CD226: variants seen among roughly 807,000 people sequenced by gnomAD.
CD226 encodes the protein CD226 molecule, also known as CD226 antigen.
A neutral mutation model predicts 34.9 loss-of-function variants in CD226; 24 were observed. That is an observed-to-expected ratio of 0.69 (90% CI 0.50 to 0.97). The LOEUF (loss-of-function observed/expected upper bound fraction) is 0.97, where lower values mean the gene tolerates loss of function less well. Ranked by LOEUF, CD226 falls within the 50% of genes least tolerant of loss-of-function variation. The probability of loss-of-function intolerance (pLI) is 0.00; values close to 1 mark genes in which losing one functional copy is unlikely to be tolerated. For missense variants in CD226, 397 were observed against 412.7 expected, an observed-to-expected ratio of 0.96 and a Z score of 0.33; for synonymous variants, 148 against 147.4, an observed-to-expected ratio of 1.00 and a Z score of -0.03.
chr18:69,868,795 G>A (rs965940669), intron 4 of CD226, among the ~76,000 whole-genome samples: 10 of 111,154 alleles, frequency 9.0e-5, no homozygotes, highest in South Asian at 4.0e-4. Context: ...GCACACGTGC[G>A]CGTGCACGCA....
intron 5 of CD226, among the ~76,000 whole-genome samples, chr18:69,866,593 G>T (rs1319893118): frequency 6.6e-6 from 1 of 152,068 alleles, no homozygotes; most frequent in Admixed American, 6.6e-5. Context: ...TGCTTGCTAC[G>T]CTTCTGGTTC....
In CD226 at chr18:69,930,027, G is replaced by A. The variant is rs73972926; in HGVS notation, c.382+16707C>T. On this transcript the variant is annotated intron_variant, in intron 2 of 5. Coordinates refer to ENST00000582621, the MANE Select transcript of CD226 (RefSeq NM_001303618.2). ...CATCTCTCCTCTGCACCATGAGCAC[G>A]GGCAACTACAAACAAAATCCTACTG... Among the ~76,000 whole-genome samples the A allele has an allele frequency of 8.9e-3, 1,348 of 152,138 alleles. 25 individuals carry two copies. Among genetic ancestry groups the A allele is most frequent in the African/African-American group, 0.03 (1,251 of 41,516 alleles).
intron 3 of CD226, among the ~76,000 whole-genome samples, chr18:69,873,483 CA>C (rs568614655): frequency 9.2e-4 from 124 of 135,518 alleles, no homozygotes; most frequent in East Asian, 7.7e-3. Flanking sequence ...TTACACATTA[CA>C]AAAAAAAAAA....
chr18:69,889,669 T>C (rs1309821163), intron 3 of CD226, among the ~76,000 whole-genome samples: 4 of 152,106 alleles, frequency 2.6e-5, no homozygotes, highest in Non-Finnish European at 5.9e-5. Flanking sequence ...GTCAGTAACC[T>C]CCCACAAGCC....
chr18:69,925,297 C>T (rs907143211), intron 2 of CD226, among the ~76,000 whole-genome samples: 2 of 152,142 alleles, frequency 1.3e-5, no homozygotes, highest in East Asian at 1.9e-4. Flanking sequence ...ACAAGTACTT[C>T]GTGCATAACC....
At chr18:69,932,085 A>C (rs2145334774) in intron 2 of CD226, among the ~76,000 whole-genome samples, 1 of 152,214 alleles carries the variant, frequency 6.6e-6, no homozygotes, top group East Asian at 1.9e-4. Context: ...TTTTAACTTA[A>C]TTACCTCTTT....
At chr18:69,880,150 G>GGA (rs1012507879) in intron 3 of CD226, among the ~76,000 whole-genome samples, 2 of 150,756 alleles carry the variant, frequency 1.3e-5, no homozygotes, top group African/African-American at 2.4e-5. Flanking sequence ...AAGAAAGAAA[G>GGA]GAGAGAGAGA....
intron 2 of CD226, among the ~76,000 whole-genome samples, chr18:69,922,886 C>T (rs1216405287): frequency 1.3e-5 from 2 of 152,184 alleles, no homozygotes; most frequent in African/African-American, 4.8e-5. Flanking sequence ...ACTCCCAGCA[C>T]TTTGGGAGGC....
At chr18:69,901,552 A>C (rs1325844975) in intron 2 of CD226, among the ~76,000 whole-genome samples, 1 of 152,106 alleles carries the variant, frequency 6.6e-6, no homozygotes, top group Non-Finnish European at 1.5e-5. Context: ...CTATTTTTGT[A>C]TATGTTTGAA....
chr18:69,905,279 C>T (rs1257323691), intron 2 of CD226, among the ~76,000 whole-genome samples: 3 of 151,450 alleles, frequency 2.0e-5, no homozygotes, highest in Non-Finnish European at 2.9e-5. Flanking sequence ...TTTCTGATGC[C>T]TTAACTCTTA....
At chr18:69,872,031 A>C (rs1256202598) in intron 4 of CD226, among the ~76,000 whole-genome samples, 1 of 149,152 alleles carries the variant, frequency 6.7e-6, no homozygotes, top group Admixed American at 6.8e-5. Flanking sequence ...CAAGATGGAG[A>C]GACACTGGAA....
At chr18:69,925,811 C>G (rs1421872824) in intron 2 of CD226, among the ~76,000 whole-genome samples, 1 of 152,144 alleles carries the variant, frequency 6.6e-6, no homozygotes, top group Non-Finnish European at 1.5e-5. Context: ...CTCTCAGTCC[C>G]CTTATGGTGA....
intron 2 of CD226, among the ~76,000 whole-genome samples, chr18:69,933,390 C>A (rs1052926739): frequency 6.6e-6 from 1 of 152,162 alleles, no homozygotes; most frequent in Non-Finnish European, 1.5e-5. Flanking sequence ...TCTTGTGATG[C>A]ACTTTCCTGT....
At position 69,914,389 on chromosome 18, in the gene CD226, T is replaced by C. The variant is rs374835524; in HGVS notation, c.383-18344A>G. Among the ~76,000 whole-genome samples, 79 of 152,330 alleles carry C rather than the reference T, an allele frequency of 5.2e-4. 1 individual carries two copies. In the South Asian group the frequency reaches 0.016, roughly 31 times the overall value. On this transcript the variant is annotated intron_variant, in intron 2 of 5. Coordinates refer to ENST00000582621, the MANE Select transcript of CD226 (RefSeq NM_001303618.2). ...CACAGTGAACACCATATATCAATTA[T>C]TCCATTGAGTTCATGGACCAAGAGG...
Position 69,932,515 on chromosome 18 carries a change from C to T in CD226, c.382+14219G>A, listed in dbSNP as rs554619647. ...CAAATTTCTTTATCACCACTATCCA[C>T]CCCTCCAAGTTCACCACCTGGCACC... On this transcript the variant is annotated intron_variant, in intron 2 of 5. Transcript: ENST00000582621. Among the ~76,000 whole-genome samples the T allele has an allele frequency of 2.0e-5, 3 of 152,314 alleles. No homozygotes were observed. In the South Asian group the frequency reaches 6.2e-4, roughly 32 times the overall value.
upstream of CD226, among the ~76,000 whole-genome samples, chr18:69,961,324 A>C (rs1158096617): frequency 6.6e-6 from 1 of 152,190 alleles, no homozygotes; most frequent in Non-Finnish European, 1.5e-5. Context: ...AATTTTGAGA[A>C]TGCATCAAAA....
upstream of CD226, among the ~76,000 whole-genome samples, chr18:69,959,402 T>C (rs147645657): frequency 4.1e-4 from 62 of 152,302 alleles, no homozygotes; most frequent in East Asian, 0.01. Context: ...CTCTTCAACC[T>C]TACCAGTTGC....
intron 3 of CD226, among the ~76,000 whole-genome samples, chr18:69,881,246 A>G (rs1550134): frequency 0.88 from 133,319 of 152,234 alleles, 58,892 homozygotes; most frequent in East Asian, 0.97. Flanking sequence ...ATGGACCATA[A>G]TGAGTGAGTT....
upstream of CD226, among the ~76,000 whole-genome samples, chr18:69,952,194 G>A (rs1044292655): frequency 6.6e-6 from 1 of 152,094 alleles, no homozygotes; most frequent in East Asian, 1.9e-4. Flanking sequence ...AAAACCACAT[G>A]TTCTCACTTA....
Sources: gnomAD v4.1 joint callset for allele counts (sites outside exome capture counted in the v4.1 genomes callset) on GRCh38, gnomAD v4.1.1 for gene constraint, MANE v1.5 for transcripts, NCBI Gene and HGNC (gene_info 2026-07-23, HGNC 2026-07-21) for gene names.